The following MYZAP variants were observed in gnomAD, a reference collection of about 807,000 sequenced individuals.
MYZAP encodes the protein GRINL1A complex locus upstream.
In MYZAP, 66 loss-of-function variants were observed where a neutral mutation model predicts 69.4. The ratio of observed to expected loss-of-function variants is 0.95; its 90% CI spans 0.78 to 1.17. MYZAP has a LOEUF of 1.17. Among genes scored for constraint, MYZAP ranks in the 50% most tolerant of loss-of-function variants. The probability of loss-of-function intolerance (pLI) is 0.00; values close to 1 mark genes in which losing one functional copy is unlikely to be tolerated. For synonymous variants in MYZAP, 256 were observed against 205.9 expected, an observed-to-expected ratio of 1.24 and a Z score of -2.09; for missense variants, 611 against 556.2, an observed-to-expected ratio of 1.10 and a Z score of -0.99.
intron 2 of MYZAP, among the ~76,000 whole-genome samples, chr15:57,616,836 T>TTTTTTTTTTTTTTTTTTTTTTTTG (rs2035493151): frequency 7.1e-6 from 1 of 140,032 alleles, no homozygotes; most frequent in Non-Finnish European, 1.5e-5. Context: ...TTTTTTTTTT[T>TTTTTTTTTTTTTTTTTTTTTTTTG]TTTTTTTTTT....
At chr15:57,647,773 C>G in intron 10 of MYZAP, 1 of 985,420 alleles carries the variant, frequency 1.0e-6, no homozygotes, top group Non-Finnish European at 1.2e-6. Context: ...CATTGTTGAT[C>G]TTCTTAGATC....
At chr15:57,632,365 G>A (rs1163404691) in intron 6 of MYZAP, 69 bp from the exon 7 acceptor site, 3 of 1,603,636 alleles carry the variant, frequency 1.9e-6, no homozygotes, top group African/African-American at 1.3e-5. Flanking sequence ...CACATGAAAT[G>A]TGCAGTGGAA....
intron 11 of MYZAP, among the ~76,000 whole-genome samples, chr15:57,668,873 GAT>G (rs34433014): frequency 0.031 from 4,158 of 134,128 alleles, 79 homozygotes; most frequent in Admixed American, 0.048. Context: ...GTCTGTTGAA[GAT>G]ATATATATAT....
intron 12 of MYZAP, among the ~76,000 whole-genome samples, chr15:57,680,442 G>T (rs560908858): frequency 6.6e-6 from 1 of 151,834 alleles, no homozygotes; most frequent in Non-Finnish European, 1.5e-5. Context: ...AAGAGAGAGG[G>T]AAAGGGAAGG....
chr15:57,668,894 A>ATATATATATATATATATTTT (rs1252525814), intron 11 of MYZAP, among the ~76,000 whole-genome samples: 1 of 62,608 alleles, frequency 1.6e-5, no homozygotes, highest in African/African-American at 3.9e-5. Context: ...ATATATATAT[A>ATATATATATATATATATTTT]TTTTTTTTTT....
intron 1 of MYZAP, among the ~76,000 whole-genome samples, chr15:57,602,973 C>T (rs1193951420): frequency 6.6e-6 from 1 of 152,146 alleles, no homozygotes; most frequent in East Asian, 1.9e-4. Context: ...AATGACTTTG[C>T]CCCTAAGTCA....
At chr15:57,610,611 C>A (rs2035043678) in intron 2 of MYZAP, among the ~76,000 whole-genome samples, 1 of 152,186 alleles carries the variant, frequency 6.6e-6, no homozygotes, top group Non-Finnish European at 1.5e-5. Context: ...GCTGCTTCTT[C>A]TAGCAAATAG....
intron 1 of MYZAP, among the ~76,000 whole-genome samples, chr15:57,602,123 G>A (rs1311884787): frequency 6.6e-6 from 1 of 152,086 alleles, no homozygotes; most frequent in African/African-American, 2.4e-5. Flanking sequence ...TAGGCTGCAG[G>A]GTGGTTTTGC....
At chr15:57,677,324 TG>T (rs1426742320) in intron 12 of MYZAP, among the ~76,000 whole-genome samples, 1 of 152,194 alleles carries the variant, frequency 6.6e-6, no homozygotes, top group African/African-American at 2.4e-5. Context: ...AATAGCTCTA[TG>T]GGCAAAAACA....
At chr15:57,632,143 A>G (rs771176518) in intron 6 of MYZAP, among the ~76,000 whole-genome samples, 26 of 152,318 alleles carry the variant, frequency 1.7e-4, no homozygotes, top group Non-Finnish European at 2.6e-4. Context: ...GCAACTGATG[A>G]GATTGCGTAG....
chr15:57,613,800 T>C, intron 2 of MYZAP, among the ~76,000 whole-genome samples: 1 of 152,232 alleles, frequency 6.6e-6, no homozygotes, highest in East Asian at 1.9e-4. Flanking sequence ...CTGCCTCATC[T>C]ACATCCACGC....
chr15:57,645,643 T>C (rs2037403950), intron 10 of MYZAP, among the ~76,000 whole-genome samples: 1 of 152,240 alleles, frequency 6.6e-6, no homozygotes, highest in African/African-American at 2.4e-5. Context: ...GCTGTTATTA[T>C]TACCACCTGT....
chr15:57,603,449 C>T (rs1224643922), intron 1 of MYZAP, among the ~76,000 whole-genome samples: 1 of 152,116 alleles, frequency 6.6e-6, no homozygotes, highest in African/African-American at 2.4e-5. Flanking sequence ...TTTTTTTCAT[C>T]TTCCCAAGCT....
intron 2 of MYZAP, among the ~76,000 whole-genome samples, chr15:57,614,278 C>G (rs1202759272): frequency 6.6e-6 from 1 of 152,198 alleles, no homozygotes; most frequent in South Asian, 2.1e-4. Flanking sequence ...ACTGTTAGAT[C>G]TGGGAATTAC....
At chr15:57,682,053 A>G (rs2039473505) in intron 12 of MYZAP, among the ~76,000 whole-genome samples, 1 of 151,728 alleles carries the variant, frequency 6.6e-6, no homozygotes, top group Non-Finnish European at 1.5e-5. Flanking sequence ...ATTTGAAAGA[A>G]CCCACAGATC....
chr15:57,634,771 G>T (rs2036715191), intron 8 of MYZAP, among the ~76,000 whole-genome samples: 1 of 152,202 alleles, frequency 6.6e-6, no homozygotes, highest in Admixed American at 6.5e-5. Context: ...GCAAACTAAA[G>T]AGTCAATTAC....
At chr15:57,618,238 T>G (rs190902331) in intron 3 of MYZAP, 50 bp downstream of exon 3, 37 of 1,592,086 alleles carry the variant, frequency 2.3e-5, no homozygotes, top group Non-Finnish European at 1.7e-6. Context: ...TTTTGTAGCA[T>G]GCAAGAGAAT....
intron 2 of MYZAP, among the ~76,000 whole-genome samples, chr15:57,607,016 T>C (rs1352500759): frequency 6.6e-6 from 1 of 152,222 alleles, no homozygotes; most frequent in Non-Finnish European, 1.5e-5. Context: ...TGTCCCCTTC[T>C]GTCCTCACTG....
At position 57,632,445 on chromosome 15, in the gene MYZAP, C is replaced by G. The variant is rs750010688; in HGVS notation, c.690C>G (p.Ser230=). 6.2e-7 allele frequency: 1 copy of G among 1,613,990 alleles called. No homozygotes were observed. The highest frequency in any genetic ancestry group is 1.3e-5 in the African/African-American group (1 of 74,928). ...NQLLKMKVES[S]QEANAEVMRE... is the part of the protein sequence containing the mutation. ...GAGTCTCGTTGTAGGTGGAATCGTC[C>G]CAAGAAGCCAATGCTGAGGTGATGC... The change falls in exon 7 of 13, where the codon TCC becomes TCG. Residue 230 remains serine, a synonymous_variant. Transcript: ENST00000267853.
Sources: gnomAD v4.1 joint callset for allele counts (sites outside exome capture counted in the v4.1 genomes callset) on GRCh38, gnomAD v4.1.1 for gene constraint, MANE v1.5 for transcripts, NCBI Gene and HGNC (gene_info 2026-07-23, HGNC 2026-07-21) for gene names.